The following EYA1 variants were observed in gnomAD, a reference collection of about 807,000 sequenced individuals.
EYA1 encodes EYA transcriptional coactivator and phosphatase 1, also known as protein phosphatase EYA1.
A neutral mutation model predicts 82.0 loss-of-function variants in EYA1; 16 were observed. The ratio of observed to expected loss-of-function variants is 0.20; its 90% CI spans 0.13 to 0.30. The LOEUF (loss-of-function observed/expected upper bound fraction) is 0.30. EYA1 is among the 10% of genes least tolerant of loss of function. The pLI is 1.00. For missense variants in EYA1, 633 were observed against 730.7 expected (o/e 0.87, Z 1.54); for synonymous variants, 261 against 264.4 (o/e 0.99, Z 0.12).
chr8:71,224,831 G>T (rs752802958), intron 12 of EYA1, among the ~76,000 whole-genome samples: 1 of 152,154 alleles, frequency 6.6e-6, no homozygotes, highest in Non-Finnish European at 1.5e-5. Context: ...GTGGTTTTTC[G>T]AAATAACTCT....
At chr8:71,329,414 G>A (rs1823551042) in intron 4 of EYA1, among the ~76,000 whole-genome samples, 2 of 152,206 alleles carry the variant, frequency 1.3e-5, no homozygotes, top group African/African-American at 2.4e-5. Context: ...CACATGGTCT[G>A]CTAAGCCCTT....
rs183122691 is a variant in EYA1 at position 71,507,518 on chromosome 8, C to T, written c.33+28226G>A. ...GGGGGGAAATCCAGCAATCTCACTC[C>T]TAGGAATTCATCCCACACATGTAAT... is the stretch of plus-strand genomic sequence containing the variant. On this transcript the variant is annotated intron_variant, in intron 2 of 18. Coordinates refer to the EYA1 transcript ENST00000643681. Among the ~76,000 whole-genome samples the T allele has an allele frequency of 8.5e-5, 13 of 152,292 alleles. No individual in the cohort carries two copies. The East Asian group carries it at 2.5e-3, about 29-fold the overall frequency.
chr8:71,510,640 C>T (rs1812526258), intron 2 of EYA1, among the ~76,000 whole-genome samples: 1 of 152,204 alleles, frequency 6.6e-6, no homozygotes, highest in Non-Finnish European at 1.5e-5. Context: ...AGGGAAACCA[C>T]TCATATGGTT....
At chr8:71,448,672 T>C (rs1451579938) in intron 2 of EYA1, 5 of 152,368 alleles carry the variant, frequency 3.3e-5, no homozygotes, top group African/African-American at 1.2e-4. Context: ...TCATTATCTA[T>C]GGCAGCTATA....
intron 2 of EYA1, among the ~76,000 whole-genome samples, chr8:71,431,517 C>T (rs1563607893): frequency 6.6e-6 from 1 of 152,046 alleles, no homozygotes. Context: ...AAAAGAAAAA[C>T]AAAAGAACAA....
chr8:71,351,780 T>C (rs1389554334), intron 3 of EYA1, among the ~76,000 whole-genome samples: 1 of 152,184 alleles, frequency 6.6e-6, no homozygotes, highest in Non-Finnish European at 1.5e-5. Context: ...ATTCCCTTCT[T>C]GTTTGTTCTT....
chr8:71,313,188 G>T (rs560724502), intron 7 of EYA1, among the ~76,000 whole-genome samples: 1 of 151,958 alleles, frequency 6.6e-6, no homozygotes, highest in African/African-American at 2.4e-5. Context: ...TCTTCATGTT[G>T]TTTCTCCCCC....
chr8:71,458,449 T>A (rs1001509999), intron 2 of EYA1, among the ~76,000 whole-genome samples: 3 of 152,104 alleles, frequency 2.0e-5, no homozygotes, highest in Admixed American at 1.3e-4. Context: ...TAGAGTTCAT[T>A]ACCTCACATG....
intron 2 of EYA1, among the ~76,000 whole-genome samples, chr8:71,414,355 A>G (rs781102941): frequency 6.6e-6 from 1 of 152,218 alleles, no homozygotes; most frequent in Non-Finnish European, 1.5e-5. Flanking sequence ...TATCCACTAC[A>G]GGAGGTTTCT....
At chr8:71,375,288 G>A (rs1429000795) in intron 2 of EYA1, among the ~76,000 whole-genome samples, 1 of 150,006 alleles carries the variant, frequency 6.7e-6, no homozygotes, top group African/African-American at 2.5e-5. Flanking sequence ...TTTTAAAATG[G>A]GAATACTACC....
At chr8:71,406,734 A>G (rs9694396) in intron 2 of EYA1, among the ~76,000 whole-genome samples, 36,932 of 149,004 alleles carry the variant, frequency 0.25, 4,775 homozygotes, top group Middle Eastern at 0.34. Flanking sequence ...CGCCCACGGA[A>G]TCTCGCTGAT....
chr8:71,400,218 T>C (rs1288920563), intron 2 of EYA1, among the ~76,000 whole-genome samples: 1 of 152,174 alleles, frequency 6.6e-6, no homozygotes, highest in African/African-American at 2.4e-5. Flanking sequence ...GGCAATACTA[T>C]TCAGCACATA....
chr8:71,464,430 G>A (rs1808629753), intron 2 of EYA1, among the ~76,000 whole-genome samples: 1 of 152,184 alleles, frequency 6.6e-6, no homozygotes. Flanking sequence ...GTCTTCATCA[G>A]AAACAGCCAT....
chr8:71,221,641 C>T (rs1809931669), intron 12 of EYA1, among the ~76,000 whole-genome samples: 1 of 152,158 alleles, frequency 6.6e-6, no homozygotes, highest in African/African-American at 2.4e-5. Flanking sequence ...GGGCTCTTCG[C>T]CACCCACTAG....
chr8:71,438,525 A>G (rs1473256339), intron 2 of EYA1, among the ~76,000 whole-genome samples: 1 of 152,160 alleles, frequency 6.6e-6, no homozygotes, highest in Non-Finnish European at 1.5e-5. Context: ...GATACTTTAA[A>G]TATTTAATAA....
At chr8:71,480,278 A>G (rs1267484315) in intron 2 of EYA1, among the ~76,000 whole-genome samples, 1 of 152,202 alleles carries the variant, frequency 6.6e-6, no homozygotes, top group Non-Finnish European at 1.5e-5. Flanking sequence ...TAAAATGTTC[A>G]TTTCGAAATG....
chr8:71,353,457 T>G (rs1826510264), intron 3 of EYA1, among the ~76,000 whole-genome samples: 1 of 152,232 alleles, frequency 6.6e-6, no homozygotes, highest in East Asian at 1.9e-4. Context: ...AAAAGGCACC[T>G]CATTCAGAGA....
intron 2 of EYA1, among the ~76,000 whole-genome samples, chr8:71,373,982 C>A (rs1363546175): frequency 6.6e-6 from 1 of 152,050 alleles, no homozygotes; most frequent in Non-Finnish European, 1.5e-5. Flanking sequence ...GACACAAAAG[C>A]AACTCCAAAT....
chr8:71,538,613 A>G (rs780829388), intron 1 of EYA1, among the ~76,000 whole-genome samples: 12 of 152,208 alleles, frequency 7.9e-5, no homozygotes, highest in Non-Finnish European at 1.8e-4. Context: ...ATAGAGAGCA[A>G]CTAGTCACAA....
Sources: allele counts gnomAD v4.1 joint callset (sites outside exome capture counted in the v4.1 genomes callset), GRCh38; gene constraint gnomAD v4.1.1; transcripts MANE v1.5; gene names NCBI Gene and HGNC (gene_info 2026-07-23, HGNC 2026-07-21).